Variants in PLXNA4 observed in about 807,000 individuals in gnomAD.
PLXNA4 encodes plexin A4.
Under a neutral mutation model 191.8 loss-of-function variants are expected in PLXNA4, and 44 were observed. That is an observed-to-expected ratio of 0.23 (90% confidence interval 0.18 to 0.29). The LOEUF (loss-of-function observed/expected upper bound fraction) is 0.29. Among genes scored for constraint, PLXNA4 ranks in the 10% least tolerant of loss-of-function variants. PLXNA4 has a pLI of 1.00. For missense variants in PLXNA4, 1,800 were observed against 2,488.8 expected, an observed-to-expected ratio of 0.72 and a Z score of 5.89; for synonymous variants, 1,082 against 1,009.5, an observed-to-expected ratio of 1.07 and a Z score of -1.36.
chr7:132,333,640 G>T (rs906172690), intron 3 of PLXNA4, among the ~76,000 whole-genome samples: 1 of 152,302 alleles, frequency 6.6e-6, no homozygotes, highest in East Asian at 1.9e-4. Context: ...GTTTGGAGGG[G>T]TGCTTCTACC....
intron 3 of PLXNA4, among the ~76,000 whole-genome samples, chr7:132,426,405 C>T (rs2117171798): frequency 1.3e-5 from 2 of 152,314 alleles, no homozygotes; most frequent in East Asian, 3.9e-4. Flanking sequence ...GTCTGAGGCA[C>T]ACAGTGTGAC....
intron 3 of PLXNA4, among the ~76,000 whole-genome samples, chr7:132,378,562 A>C (rs1804755946): frequency 6.6e-6 from 1 of 152,160 alleles, no homozygotes; most frequent in African/African-American, 2.4e-5. Context: ...TTATTCCCTA[A>C]AAACTACCAG....
intron 4 of PLXNA4, among the ~76,000 whole-genome samples, chr7:132,267,147 A>G (rs931958765): frequency 2.6e-5 from 4 of 152,220 alleles, no homozygotes; most frequent in African/African-American, 7.2e-5. Context: ...CTCTTGCCTC[A>G]GAAGTCAGGA....
chr7:132,369,217 A>G (rs1804323765), intron 3 of PLXNA4, among the ~76,000 whole-genome samples: 1 of 152,216 alleles, frequency 6.6e-6, no homozygotes, highest in Admixed American at 6.5e-5. Context: ...AGACAGGACT[A>G]AGCTGAGTGG....
At chr7:132,297,493 T>C (rs946521231) in intron 4 of PLXNA4, among the ~76,000 whole-genome samples, 1 of 152,174 alleles carries the variant, frequency 6.6e-6, no homozygotes, top group East Asian at 1.9e-4. Context: ...GCCCAGGTTT[T>C]CTACTTCCTA....
At chr7:132,320,170 A>G (rs1324780878) in intron 3 of PLXNA4, among the ~76,000 whole-genome samples, 11 of 152,254 alleles carry the variant, frequency 7.2e-5, no homozygotes, top group Non-Finnish European at 1.6e-4. Context: ...GGGTGCCATA[A>G]CAGGTGACCA....
intron 14 of PLXNA4, among the ~76,000 whole-genome samples, chr7:132,192,245 G>T (rs1797114568): frequency 6.6e-6 from 1 of 152,130 alleles, no homozygotes; most frequent in South Asian, 2.1e-4. Context: ...GCCTCCTGAG[G>T]GAGGTGCTGT....
intron 2 of PLXNA4, among the ~76,000 whole-genome samples, chr7:132,492,999 C>T (rs553727422): frequency 2.0e-5 from 3 of 152,276 alleles, no homozygotes; most frequent in Admixed American, 2.0e-4. Flanking sequence ...CAGCTAATTA[C>T]AGTACCTGAA....
chr7:132,170,286 C>T (rs577764689), intron 21 of PLXNA4, among the ~76,000 whole-genome samples: 1 of 152,288 alleles, frequency 6.6e-6, no homozygotes, highest in South Asian at 2.1e-4. Flanking sequence ...GTTATAATCC[C>T]CATGAGGGAC....
At chr7:132,301,406 T>A (rs1363609148) in intron 3 of PLXNA4, among the ~76,000 whole-genome samples, 2 of 152,208 alleles carry the variant, frequency 1.3e-5, no homozygotes, top group African/African-American at 4.8e-5. Context: ...ATAGGCATTT[T>A]ATATATATTT....
chr7:132,563,671 CTCCTCT>C (rs1427452725), intron 1 of PLXNA4, among the ~76,000 whole-genome samples: 25 of 125,034 alleles, frequency 2.0e-4, no homozygotes, highest in African/African-American at 7.4e-4. Context: ...CCTCCTTCTC[CTCCTCT>C]TTCTCCTCCT....
chr7:132,482,181 G>A (rs1163940687), intron 3 of PLXNA4, among the ~76,000 whole-genome samples: 1 of 152,220 alleles, frequency 6.6e-6, no homozygotes, highest in Non-Finnish European at 1.5e-5. Context: ...TTCCTGGAGT[G>A]TGAGCTGGAC....
chr7:132,159,335 C>G, intron 25 of PLXNA4, 138 bp downstream of exon 25: 1 of 1,397,288 alleles, frequency 7.2e-7, no homozygotes, highest in Non-Finnish European at 9.7e-7. Flanking sequence ...CTGCGGGGGT[C>G]CAGCCATGCC....
chr7:132,465,301 G>A (rs1194389124), intron 3 of PLXNA4, among the ~76,000 whole-genome samples: 1 of 152,240 alleles, frequency 6.6e-6, no homozygotes, highest in Non-Finnish European at 1.5e-5. Flanking sequence ...TGAGAGGGAA[G>A]CTCTGAAACC....
chr7:132,169,205 T>C (rs1460684475), intron 21 of PLXNA4, among the ~76,000 whole-genome samples: 1 of 152,216 alleles, frequency 6.6e-6, no homozygotes, highest in Non-Finnish European at 1.5e-5. Flanking sequence ...AACTCTAGCA[T>C]TTGCTGTTTT....
chr7:132,236,886 C>T (rs1408883794), intron 5 of PLXNA4, among the ~76,000 whole-genome samples: 1 of 152,156 alleles, frequency 6.6e-6, no homozygotes, highest in East Asian at 1.9e-4. Context: ...CCTGCTGAGC[C>T]CACTTCCTCA....
At chr7:132,246,945 T>C (rs1799079766) in intron 4 of PLXNA4, among the ~76,000 whole-genome samples, 2 of 152,172 alleles carry the variant, frequency 1.3e-5, no homozygotes, top group South Asian at 2.1e-4. Context: ...TTTTAAGTCA[T>C]GGCCTTGGTC....
intron 2 of PLXNA4, among the ~76,000 whole-genome samples, chr7:132,495,383 C>T (rs1303733178): frequency 6.6e-6 from 1 of 152,198 alleles, no homozygotes; most frequent in Non-Finnish European, 1.5e-5. Context: ...CTTCCATAGC[C>T]ACAGGCTGCC....
At chr7:132,629,853 TTC>T (rs1484514403) in intron 2 of PLXNA4, among the ~76,000 whole-genome samples, 11 of 148,246 alleles carry the variant, frequency 7.4e-5, no homozygotes, top group Admixed American at 7.4e-4. Flanking sequence ...CTAGTGTCTC[TTC>T]TCTTTTTTTT....
Sources: allele counts gnomAD v4.1 joint callset (sites outside exome capture counted in the v4.1 genomes callset), GRCh38; gene constraint gnomAD v4.1.1; transcripts MANE v1.5; gene names NCBI Gene and HGNC (gene_info 2026-07-23, HGNC 2026-07-21).